Variants in PSIP1 observed in about 807,000 individuals in gnomAD.
The protein encoded by PSIP1 is PC4 and SFRS1-interacting protein.
In PSIP1, 19 loss-of-function variants were observed where a neutral mutation model predicts 74.7. The ratio of observed to expected loss-of-function variants is 0.25; its 90% confidence interval spans 0.18 to 0.37. The LOEUF is 0.37. PSIP1 is among the 10% of genes least tolerant of loss of function. The pLI is 1.00. For missense variants in PSIP1, 601 were observed against 614.3 expected (o/e 0.98, Z 0.23); for synonymous variants, 222 against 195.3 (o/e 1.14, Z -1.14).
At chr9:15,472,823 G>C in intron 9 of PSIP1, 73 bp from the exon 10 acceptor site, 1 of 1,385,774 alleles carries the variant, frequency 7.2e-7, no homozygotes, top group South Asian at 1.3e-5. Flanking sequence ...TATAATCTTG[G>C]GGGAAAAGCA....
chr9:15,503,182 C>A (rs896360684), intron 3 of PSIP1, among the ~76,000 whole-genome samples: 3 of 151,130 alleles, frequency 2.0e-5, no homozygotes, highest in Admixed American at 6.6e-5. Flanking sequence ...GCCTGGCCAA[C>A]ATGGTGAAAC....
intron 8 of PSIP1, among the ~76,000 whole-genome samples, chr9:15,476,772 T>C (rs1480330885): frequency 6.6e-6 from 1 of 152,126 alleles, no homozygotes; most frequent in Non-Finnish European, 1.5e-5. Context: ...CATACAAAAG[T>C]ATTACATTAC....
chr9:15,507,940 T>TATCGGGATAACACC (rs1463064433), intron 2 of PSIP1, among the ~76,000 whole-genome samples: 2 of 152,220 alleles, frequency 1.3e-5, no homozygotes, highest in African/African-American at 4.8e-5. Flanking sequence ...TATCTCAACT[T>TATCGGGATAACACC]TGTGGGAATG....
In PSIP1 at chr9:15,468,862, T is replaced by G. The variant is rs377763961; in HGVS notation, c.1207-19A>C. The G allele has an allele frequency of 3.1e-6, 5 of 1,607,814 alleles. No individual in the cohort carries two copies. The African/African-American group carries it at 6.7e-5, about 22-fold the overall frequency. On this transcript the variant is annotated intron_variant, in intron 13 of 15. Coordinates refer to ENST00000380733, the MANE Select transcript of PSIP1 (RefSeq NM_033222.5). Reference sequence around the variant, plus strand: ...GCCGTATCTGAGAAAACAATATACATTCATCATAATTGTTTTCCTAATTGA... The same window carrying G: ...GCCGTATCTGAGAAAACAATATACAGTCATCATAATTGTTTTCCTAATTGA...
At chr9:15,497,135 A>C (rs973072092) in intron 3 of PSIP1, among the ~76,000 whole-genome samples, 5 of 152,234 alleles carry the variant, frequency 3.3e-5, no homozygotes, top group Non-Finnish European at 7.3e-5. Flanking sequence ...CATAAAAGCC[A>C]AAAGTAAAAA....
chr9:15,498,242 C>A (rs573228721), intron 3 of PSIP1, among the ~76,000 whole-genome samples: 5 of 152,184 alleles, frequency 3.3e-5, no homozygotes, highest in African/African-American at 1.2e-4. Context: ...ACGGCAAAAC[C>A]CCATCTCTAC....
intron 14 of PSIP1, among the ~76,000 whole-genome samples, chr9:15,467,888 C>T (rs1382252146): frequency 6.6e-6 from 1 of 152,018 alleles, no homozygotes; most frequent in African/African-American, 2.4e-5. Context: ...TGGGAAGCCA[C>T]GGCAGGTGGA....
intron 5 of PSIP1, among the ~76,000 whole-genome samples, chr9:15,486,603 TATAAAA>T (rs1319793536): frequency 6.6e-6 from 1 of 152,220 alleles, no homozygotes; most frequent in Admixed American, 6.5e-5. Flanking sequence ...ATGTTTTACA[TATAAAA>T]ATAACTTCAA....
chr9:15,483,572 A>T (rs2036429774), intron 6 of PSIP1, among the ~76,000 whole-genome samples: 1 of 151,072 alleles, frequency 6.6e-6, no homozygotes, highest in Non-Finnish European at 1.5e-5. Flanking sequence ...TTTTTTGTCT[A>T]AAAAAAAATG....
intron 6 of PSIP1, among the ~76,000 whole-genome samples, chr9:15,481,406 G>C (rs1002003164): frequency 1.3e-5 from 2 of 152,218 alleles, no homozygotes; most frequent in Non-Finnish European, 2.9e-5. Flanking sequence ...AAGAATTATA[G>C]GTAGGGTTGG....
chr9:15,484,871 C>T (rs569100517), intron 6 of PSIP1, among the ~76,000 whole-genome samples: 131 of 147,430 alleles, frequency 8.9e-4, no homozygotes, highest in Non-Finnish European at 1.6e-3. Flanking sequence ...CAAGATCGCA[C>T]CACTTCACAC....
chr9:15,468,900 T>C (rs1022961960), intron 13 of PSIP1, 57 bp from the exon 14 acceptor site: 8 of 1,604,340 alleles, frequency 5.0e-6, no homozygotes, highest in South Asian at 1.1e-5. Flanking sequence ...TTTTAAACAA[T>C]TTTTAAATGA....
At chr9:15,506,679 C>T in intron 2 of PSIP1, 42 bp from the exon 3 acceptor site, 1 of 1,386,796 alleles carries the variant, frequency 7.2e-7, no homozygotes, top group South Asian at 1.2e-5. Flanking sequence ...TTAAATCATA[C>T]ACACCTCAAC....
intron 8 of PSIP1, among the ~76,000 whole-genome samples, chr9:15,475,061 A>C (rs57908909): frequency 0.041 from 6,292 of 152,224 alleles, 423 homozygotes; most frequent in African/African-American, 0.14. Flanking sequence ...AACAAGCCCA[A>C]CATCTCAATT....
intron 7 of PSIP1, 70 bp from the exon 8 acceptor site, chr9:15,478,622 T>C (rs2036201288): frequency 9.4e-7 from 1 of 1,061,486 alleles, no homozygotes; most frequent in Non-Finnish European, 1.5e-6. Flanking sequence ...CAGATATAAA[T>C]ATTAGAAATG....
At chr9:15,471,923 T>C (rs2035849368) in intron 10 of PSIP1, 33 of 981,402 alleles carry the variant, frequency 3.4e-5, no homozygotes, top group Non-Finnish European at 4.0e-5. Flanking sequence ...AAGAAAAGCA[T>C]GTCAGAGAAA....
At chr9:15,471,086 G>A (rs778739900) in intron 10 of PSIP1, 18 of 1,533,208 alleles carry the variant, frequency 1.2e-5, no homozygotes, top group African/African-American at 2.8e-5. Context: ...TCAATGGGGG[G>A]AAGGGGGAAA....
chr9:15,503,330 G>A (rs908809452), intron 3 of PSIP1, among the ~76,000 whole-genome samples: 1 of 151,630 alleles, frequency 6.6e-6, no homozygotes, highest in Middle Eastern at 3.2e-3. Flanking sequence ...TGGTGCCACT[G>A]CACTCCAGCC....
chr9:15,472,013 C>A (rs980588891), intron 10 of PSIP1: 1 of 973,044 alleles, frequency 1.0e-6, no homozygotes, highest in Middle Eastern at 5.2e-4. Context: ...ATTATCATTG[C>A]TATTACTTTT....
Sources: gnomAD v4.1 joint callset for allele counts (sites outside exome capture counted in the v4.1 genomes callset) on GRCh38, gnomAD v4.1.1 for gene constraint, MANE v1.5 for transcripts, NCBI Gene and HGNC (gene_info 2026-07-23, HGNC 2026-07-21) for gene names.